Variants in PLEKHA6 observed in about 807,000 individuals in gnomAD.
PLEKHA6 encodes the protein pleckstrin homology domain-containing family A member 6.
In PLEKHA6, 60 loss-of-function variants were observed where a neutral mutation model predicts 116.7. The observed-to-expected ratio is 0.51, with a 90% CI of 0.42 to 0.64. The LOEUF is 0.64. PLEKHA6 is among the 30% of genes least tolerant of loss of function. PLEKHA6 has a pLI of 0.00. For missense variants in PLEKHA6, 1,338 were observed against 1,422.7 expected, an observed-to-expected ratio of 0.94 and a Z score of 0.96; for synonymous variants, 489 against 556.1, an observed-to-expected ratio of 0.88 and a Z score of 1.70.
chr1:204,295,559 G>A (rs1377095820), intron 1 of PLEKHA6, among the ~76,000 whole-genome samples: 1 of 151,760 alleles, frequency 6.6e-6, no homozygotes, highest in Middle Eastern at 3.2e-3. Context: ...CATAAGGTGT[G>A]TAGCAAGTCC....
chr1:204,299,226 G>C (rs900803959), intron 1 of PLEKHA6, among the ~76,000 whole-genome samples: 1 of 152,206 alleles, frequency 6.6e-6, no homozygotes, highest in Non-Finnish European at 1.5e-5. Context: ...TGCACACATG[G>C]TTGGTATGAG....
upstream of PLEKHA6, among the ~76,000 whole-genome samples, chr1:204,362,804 A>C (rs920599422): frequency 3.9e-5 from 6 of 152,174 alleles, no homozygotes; most frequent in African/African-American, 1.4e-4. Context: ...GCCTCAGCCT[A>C]CTGAGTTGCT....
At chr1:204,375,198 C>T (rs996957431) in intron 1 of PLEKHA6, among the ~76,000 whole-genome samples, 6 of 152,020 alleles carry the variant, frequency 3.9e-5, no homozygotes, top group African/African-American at 9.7e-5. Flanking sequence ...GTCGTTCTAC[C>T]CCCACACGAT....
intron 1 of PLEKHA6, among the ~76,000 whole-genome samples, chr1:204,294,314 CA>C (rs1340875403): frequency 6.6e-6 from 1 of 152,180 alleles, no homozygotes; most frequent in Non-Finnish European, 1.5e-5. Flanking sequence ...TTCACCCTCC[CA>C]GGAAAACTTG....
intron 6 of PLEKHA6, among the ~76,000 whole-genome samples, chr1:204,264,040 A>C (rs1666482331): frequency 6.6e-6 from 1 of 152,200 alleles, no homozygotes; most frequent in African/African-American, 2.4e-5. Context: ...AGGCTCTAGA[A>C]GCTCAAGGAG....
upstream of PLEKHA6, among the ~76,000 whole-genome samples, chr1:204,361,566 G>A (rs1296768990): frequency 6.6e-6 from 1 of 152,262 alleles, no homozygotes; most frequent in Admixed American, 6.5e-5. Context: ...TCTTGGGGAG[G>A]GGGACTCTTG....
At chr1:204,241,565 C>G (rs1662824462) in intron 16 of PLEKHA6, 84 bp from the exon 17 acceptor site, 3 of 1,403,544 alleles carry the variant, frequency 2.1e-6, no homozygotes, top group Non-Finnish European at 2.9e-6. Flanking sequence ...CTCAGCCCCA[C>G]TCTCCACCGA....
rs973883787 is a variant in PLEKHA6 at position 204,373,086 on chromosome 1, C to CTT, written c.84-1482_84-1481dup. Among the ~76,000 whole-genome samples, 963 of 113,354 alleles carry CTT rather than the reference C, an allele frequency of 8.5e-3. 34 individuals carry two copies. The highest frequency in any genetic ancestry group is 0.031 in the African/African-American group (838 of 27,266). The allele number at this position is 113,354 out of a possible 152,430, so 74.4% of individuals were successfully genotyped here. On this transcript the variant is annotated intron_variant, in intron 1 of 4. Coordinates refer to the PLEKHA6 transcript ENST00000564627. ...CCATGTCTGGCTATATTTTTTCTTT[C>CTT]TTTTTTTTTTTTTTTTTTTTTGAGA...
intron 1 of PLEKHA6, among the ~76,000 whole-genome samples, chr1:204,334,413 C>T (rs1054949005): frequency 4.5e-4 from 68 of 152,166 alleles, no homozygotes; most frequent in African/African-American, 1.4e-3. Context: ...AAGATCACCA[C>T]GGAGGATGGT....
intron 1 of PLEKHA6, among the ~76,000 whole-genome samples, chr1:204,357,050 A>G (rs1477403996): frequency 6.6e-6 from 1 of 152,244 alleles, no homozygotes; most frequent in Admixed American, 6.5e-5. Context: ...ACGGACTATT[A>G]TATACTATTT....
chr1:204,374,851 A>G (rs1466284453), intron 1 of PLEKHA6, among the ~76,000 whole-genome samples: 2 of 151,934 alleles, frequency 1.3e-5, no homozygotes, highest in African/African-American at 4.8e-5. Flanking sequence ...TCATTCACCA[A>G]TCCACTGCAA....
chr1:204,347,917 G>C (rs977391513), intron 1 of PLEKHA6, among the ~76,000 whole-genome samples: 3 of 152,072 alleles, frequency 2.0e-5, no homozygotes, highest in African/African-American at 7.3e-5. Flanking sequence ...GAAGCACTGG[G>C]CATGCTCTCC....
At chr1:204,376,699 T>C (rs1558207813) in intron 1 of PLEKHA6, among the ~76,000 whole-genome samples, 1 of 152,190 alleles carries the variant, frequency 6.6e-6, no homozygotes, top group Non-Finnish European at 1.5e-5. Flanking sequence ...CTTCAATATC[T>C]CTGGACCTCA....
chr1:204,290,628 C>CA (rs1669647158), intron 1 of PLEKHA6, among the ~76,000 whole-genome samples: 5 of 152,170 alleles, frequency 3.3e-5, no homozygotes, highest in Middle Eastern at 3.4e-3. Flanking sequence ...TTTAAAATGA[C>CA]AAAAAACGCA....
chr1:204,272,388 C>T (rs1332631229), intron 3 of PLEKHA6, among the ~76,000 whole-genome samples: 1 of 152,170 alleles, frequency 6.6e-6, no homozygotes, highest in Non-Finnish European at 1.5e-5. Flanking sequence ...TCCCCTCACG[C>T]CTCTGACATC....
At chr1:204,296,887 G>A (rs187303742) in intron 1 of PLEKHA6, among the ~76,000 whole-genome samples, 24 of 152,316 alleles carry the variant, frequency 1.6e-4, no homozygotes, top group East Asian at 3.9e-4. Flanking sequence ...GAGCGTGGAC[G>A]GAAATGAGAG....
At chr1:204,364,316 C>T (rs1040256253), upstream of PLEKHA6, among the ~76,000 whole-genome samples, 12 of 152,216 alleles carry the variant, frequency 7.9e-5, no homozygotes, top group Non-Finnish European at 1.8e-4. Context: ...TTACTGAGCA[C>T]TTCGTTTGTC....
At chr1:204,294,602 C>T (rs751294612) in intron 1 of PLEKHA6, among the ~76,000 whole-genome samples, 6 of 152,176 alleles carry the variant, frequency 3.9e-5, no homozygotes, top group Non-Finnish European at 5.9e-5. Context: ...CTAATCCTTT[C>T]GTTTATTTTT....
At chr1:204,224,395 C>T (rs1188350890) in intron 21 of PLEKHA6, among the ~76,000 whole-genome samples, 1 of 152,054 alleles carries the variant, frequency 6.6e-6, no homozygotes, top group Non-Finnish European at 1.5e-5. Context: ...GCAGAGACAA[C>T]ATCCTCACTC....
Sources: gnomAD v4.1 joint callset for allele counts (sites outside exome capture counted in the v4.1 genomes callset) on GRCh38, gnomAD v4.1.1 for gene constraint, MANE v1.5 for transcripts, NCBI Gene and HGNC (gene_info 2026-07-23, HGNC 2026-07-21) for gene names.